Variants in ZNF521 observed in about 807,000 individuals in gnomAD.
ZNF521 encodes zinc finger protein 521.
Under a neutral mutation model 105.5 loss-of-function variants are expected in ZNF521, and 14 were observed. The ratio of observed to expected loss-of-function variants is 0.13; its 90% CI spans 0.09 to 0.21. ZNF521 has a LOEUF of 0.21. Among genes scored for constraint, ZNF521 ranks in the 10% least tolerant of loss-of-function variants. The pLI is 1.00. For synonymous variants in ZNF521, 635 were observed against 606.0 expected, an observed-to-expected ratio of 1.05 and a Z score of -0.70; for missense variants, 1,233 against 1,629.7, an observed-to-expected ratio of 0.76 and a Z score of 4.19.
intron 5 of ZNF521, among the ~76,000 whole-genome samples, chr18:25,179,283 A>G (rs781396400): frequency 6.0e-5 from 9 of 150,986 alleles, no homozygotes; most frequent in Non-Finnish European, 8.9e-5. Flanking sequence ...CCTCCAGAGT[A>G]GCTAGGATTA....
chr18:25,129,271 T>A (rs201457849), intron 5 of ZNF521, among the ~76,000 whole-genome samples: 409 of 78,454 alleles, frequency 5.2e-3, no homozygotes, highest in African/African-American at 0.014. Flanking sequence ...TAATAATTAT[T>A]ATTATTATTA....
At chr18:25,168,613 C>A (rs1156992671) in intron 5 of ZNF521, among the ~76,000 whole-genome samples, 1 of 152,164 alleles carries the variant, frequency 6.6e-6, no homozygotes, top group African/African-American at 2.4e-5. Context: ...AATATCTATA[C>A]AATTATCTCC....
chr18:25,118,356 C>T (rs1339769859), intron 5 of ZNF521, among the ~76,000 whole-genome samples: 1 of 151,808 alleles, frequency 6.6e-6, no homozygotes, highest in Non-Finnish European at 1.5e-5. Context: ...TTAAGAGCAA[C>T]ATAAACAGTA....
At chr18:25,112,025 T>C (rs1373435884) in intron 5 of ZNF521, among the ~76,000 whole-genome samples, 2 of 152,196 alleles carry the variant, frequency 1.3e-5, no homozygotes. Context: ...GGGTCCAGAC[T>C]GCTTCTCTGG....
intron 5 of ZNF521, among the ~76,000 whole-genome samples, chr18:25,155,996 A>G (rs2035136826): frequency 6.6e-6 from 1 of 152,202 alleles, no homozygotes. Context: ...CATAAAGCAA[A>G]TATGTAGGAA....
intron 3 of ZNF521, among the ~76,000 whole-genome samples, chr18:25,257,316 G>T (rs1322512455): frequency 1.3e-5 from 2 of 152,074 alleles, no homozygotes; most frequent in Non-Finnish European, 2.9e-5. Flanking sequence ...GGGCTATTAA[G>T]TTTAATATAA....
chr18:25,094,753 A>G (rs2033818156), intron 5 of ZNF521, among the ~76,000 whole-genome samples: 1 of 152,152 alleles, frequency 6.6e-6, no homozygotes, highest in South Asian at 2.1e-4. Context: ...GTGGACATTT[A>G]GAGTCCCTCC....
At chr18:25,097,754 T>A (rs1158829192) in intron 5 of ZNF521, among the ~76,000 whole-genome samples, 3 of 152,064 alleles carry the variant, frequency 2.0e-5, no homozygotes, top group African/African-American at 7.2e-5. Flanking sequence ...TCAGTCAGAA[T>A]CTCACTTCCA....
At chr18:25,090,469 C>A (rs981291040) in intron 6 of ZNF521, among the ~76,000 whole-genome samples, 1 of 152,148 alleles carries the variant, frequency 6.6e-6, no homozygotes, top group Non-Finnish European at 1.5e-5. Context: ...TTTCTCATTA[C>A]CTTAAAAAAC....
intron 3 of ZNF521, among the ~76,000 whole-genome samples, chr18:25,268,403 G>A (rs943800679): frequency 6.6e-6 from 1 of 152,164 alleles, no homozygotes; most frequent in African/African-American, 2.4e-5. Context: ...AGCAAGACAG[G>A]CCAACATTCA....
intron 5 of ZNF521, among the ~76,000 whole-genome samples, chr18:25,105,340 A>C (rs1241526184): frequency 1.3e-5 from 2 of 152,210 alleles, no homozygotes; most frequent in East Asian, 3.8e-4. Flanking sequence ...GAGTAGGTCT[A>C]AATATGATCT....
intron 5 of ZNF521, among the ~76,000 whole-genome samples, chr18:25,098,191 T>C (rs907128508): frequency 2.0e-5 from 3 of 152,120 alleles, no homozygotes; most frequent in African/African-American, 7.2e-5. Flanking sequence ...CAATAAACAG[T>C]AAAACAAACA....
At chr18:25,089,117 G>A (rs2033689936) in intron 7 of ZNF521, among the ~76,000 whole-genome samples, 1 of 152,156 alleles carries the variant, frequency 6.6e-6, no homozygotes, top group Non-Finnish European at 1.5e-5. Context: ...CCAGCTTGGA[G>A]CCCAGTGGGA....
intron 5 of ZNF521, among the ~76,000 whole-genome samples, chr18:25,092,994 G>T (rs889461128): frequency 6.6e-6 from 1 of 152,176 alleles, no homozygotes; most frequent in Admixed American, 6.5e-5. Flanking sequence ...ACTAGAGCTA[G>T]CAGCCTAGCT....
Position 25,285,517 on chromosome 18 carries a change from C to T in ZNF521, c.220+36491G>A, listed in dbSNP as rs192439076. ...CCATTTAGGGGGACATCAGTTTACC[C>T]TTCATCTCTACCTGAAGCACCATGT... is the stretch of plus-strand genomic sequence containing the variant. On this transcript the variant is annotated intron_variant, in intron 3 of 7. Coordinates refer to ENST00000361524, the MANE Select transcript of ZNF521 (RefSeq NM_015461.3). Among the ~76,000 whole-genome samples the T allele has an allele frequency of 5.3e-5, 8 of 152,310 alleles. No homozygotes were observed. In the East Asian group the frequency reaches 1.2e-3, roughly 22 times the overall value.
intron 7 of ZNF521, among the ~76,000 whole-genome samples, chr18:25,085,749 C>A (rs764935163): frequency 6.6e-6 from 1 of 150,856 alleles, no homozygotes; most frequent in Non-Finnish European, 1.5e-5. Flanking sequence ...CGCATATATA[C>A]GCATATATAT....
intron 2 of ZNF521, among the ~76,000 whole-genome samples, chr18:25,350,631 T>G (rs1914697053): frequency 6.6e-6 from 1 of 151,112 alleles, no homozygotes; most frequent in Non-Finnish European, 1.5e-5. Flanking sequence ...TCTTTCTCTC[T>G]CTCTCTCTTT....
chr18:25,137,749 G>T (rs192641563), intron 5 of ZNF521, among the ~76,000 whole-genome samples: 4 of 152,160 alleles, frequency 2.6e-5, no homozygotes, highest in African/African-American at 4.8e-5. Flanking sequence ...AACTGGGACA[G>T]ACATCGAGTC....
intron 5 of ZNF521, among the ~76,000 whole-genome samples, chr18:25,155,055 T>C (rs2035117564): frequency 6.6e-6 from 1 of 152,192 alleles, no homozygotes; most frequent in African/African-American, 2.4e-5. Flanking sequence ...ACATTTGTGA[T>C]ATCTTGTCGT....
Sources: allele counts gnomAD v4.1 joint callset (sites outside exome capture counted in the v4.1 genomes callset), GRCh38; gene constraint gnomAD v4.1.1; transcripts MANE v1.5; gene names NCBI Gene and HGNC (gene_info 2026-07-23, HGNC 2026-07-21).